Variants in PRKG1 observed in about 807,000 individuals in gnomAD.
The protein encoded by PRKG1 is protein kinase cGMP-dependent 1.
A neutral mutation model predicts 88.1 loss-of-function variants in PRKG1; 35 were observed. The observed-to-expected ratio is 0.40, with a 90% CI of 0.30 to 0.53. PRKG1 has a LOEUF of 0.53. PRKG1 is among the 20% of genes least tolerant of loss of function. The pLI, the probability that PRKG1 is intolerant of heterozygous loss-of-function variation, is 0.59. For synonymous variants in PRKG1, 303 were observed against 292.5 expected (o/e 1.04, Z -0.37); for missense variants, 540 against 839.8 (o/e 0.64, Z 4.41).
intron 7 of PRKG1, among the ~76,000 whole-genome samples, chr10:52,126,267 T>C (rs1847928792): frequency 6.6e-6 from 1 of 152,130 alleles, no homozygotes; most frequent in Admixed American, 6.6e-5. Flanking sequence ...ATACAAAATA[T>C]ATTAACCTTT....
chr10:51,559,410 T>C (rs1837400353), intron 3 of PRKG1, among the ~76,000 whole-genome samples: 1 of 152,206 alleles, frequency 6.6e-6, no homozygotes, highest in Admixed American at 6.6e-5. Context: ...TGTCTCCTTA[T>C]TCATGCATAA....
At chr10:51,653,839 A>T (rs1226884826) in intron 3 of PRKG1, among the ~76,000 whole-genome samples, 3 of 152,214 alleles carry the variant, frequency 2.0e-5, no homozygotes, top group African/African-American at 7.2e-5. Context: ...AAGTGCTAGG[A>T]TTACAGGCAT....
At chr10:51,873,855 C>T (rs1270040337) in intron 4 of PRKG1, among the ~76,000 whole-genome samples, 1 of 152,186 alleles carries the variant, frequency 6.6e-6, no homozygotes, top group Non-Finnish European at 1.5e-5. Context: ...ATAGCCAAAA[C>T]ATTAGAAATG....
At chr10:51,191,726 G>C (rs959347393) in intron 2 of PRKG1, among the ~76,000 whole-genome samples, 1 of 151,652 alleles carries the variant, frequency 6.6e-6, no homozygotes, top group African/African-American at 2.4e-5. Context: ...TCAGCAACTT[G>C]ACCAATCTAC....
At chr10:51,132,395 A>G (rs1398203348) in intron 1 of PRKG1, among the ~76,000 whole-genome samples, 2 of 152,180 alleles carry the variant, frequency 1.3e-5, no homozygotes, top group African/African-American at 2.4e-5. Flanking sequence ...TTATAATAAG[A>G]TATGTCTATT....
intron 5 of PRKG1, among the ~76,000 whole-genome samples, chr10:52,024,527 T>C (rs1207075204): frequency 6.6e-6 from 1 of 152,056 alleles, no homozygotes; most frequent in Admixed American, 6.6e-5. Flanking sequence ...CCCTGCCCTG[T>C]GTCCAAGTGT....
chr10:51,654,679 T>C (rs994469202), intron 3 of PRKG1, among the ~76,000 whole-genome samples: 28 of 152,200 alleles, frequency 1.8e-4, no homozygotes, highest in African/African-American at 6.8e-4. Context: ...TAGCTAAAAA[T>C]GGACAGTTGG....
intron 1 of PRKG1, among the ~76,000 whole-genome samples, chr10:51,077,555 G>C (rs932570304): frequency 6.6e-6 from 1 of 151,846 alleles, no homozygotes; most frequent in African/African-American, 2.4e-5. Flanking sequence ...TGGTAAATTT[G>C]GTCATTTAAA....
intron 5 of PRKG1, among the ~76,000 whole-genome samples, chr10:51,998,353 ATGGAAG>A (rs1394896463): frequency 3.3e-5 from 5 of 152,080 alleles, no homozygotes; most frequent in Non-Finnish European, 7.4e-5. Flanking sequence ...ACCCATCCAA[ATGGAAG>A]TTTATGGATA....
intron 4 of PRKG1, among the ~76,000 whole-genome samples, chr10:51,864,244 G>T (rs1416825082): frequency 6.6e-6 from 1 of 152,322 alleles, no homozygotes; most frequent in African/African-American, 2.4e-5. Context: ...TTCCCATAGA[G>T]TGTGCTATAA....
intron 1 of PRKG1, among the ~76,000 whole-genome samples, chr10:51,045,424 C>A (rs1215166793): frequency 1.3e-5 from 2 of 152,026 alleles, no homozygotes; most frequent in African/African-American, 4.8e-5. Context: ...TGGCTTCAAG[C>A]GATTCTCCTG....
At chr10:52,150,619 T>A (rs1837886776) in intron 8 of PRKG1, among the ~76,000 whole-genome samples, 2 of 152,186 alleles carry the variant, frequency 1.3e-5, no homozygotes, top group South Asian at 4.1e-4. Flanking sequence ...CCCTTTCTAA[T>A]CATGTAATGA....
intron 9 of PRKG1, chr10:52,184,903 C>T (rs947472422): frequency 6.6e-6 from 1 of 152,186 alleles, no homozygotes; most frequent in Admixed American, 6.5e-5. Context: ...CTCAACCATT[C>T]ATGAGGGATC....
At chr10:51,075,540 T>G (rs1843927194) in intron 1 of PRKG1, among the ~76,000 whole-genome samples, 1 of 152,244 alleles carries the variant, frequency 6.6e-6, no homozygotes, top group Non-Finnish European at 1.5e-5. Flanking sequence ...AAGAAATATT[T>G]TTTCATAACA....
At chr10:51,834,727 GAGAAA>G (rs965930722) in intron 4 of PRKG1, among the ~76,000 whole-genome samples, 1 of 148,242 alleles carries the variant, frequency 6.7e-6, no homozygotes, top group Non-Finnish European at 1.5e-5. Context: ...AGAAAGAAAA[GAGAAA>G]AGAAAAGAAA....
chr10:52,142,340 A>G (rs1034342495), intron 8 of PRKG1, among the ~76,000 whole-genome samples: 17 of 152,302 alleles, frequency 1.1e-4, no homozygotes, highest in Admixed American at 9.8e-4. Flanking sequence ...GAGAGTATCA[A>G]GTGGGTTTTA....
At chr10:51,188,576 G>C (rs574230294) in intron 2 of PRKG1, among the ~76,000 whole-genome samples, 1 of 151,864 alleles carries the variant, frequency 6.6e-6, no homozygotes, top group African/African-American at 2.4e-5. Context: ...ATAAAACCAC[G>C]ACAAGAAGAT....
intron 1 of PRKG1, among the ~76,000 whole-genome samples, chr10:51,045,882 C>A (rs184587789): frequency 6.6e-6 from 1 of 152,230 alleles, no homozygotes; most frequent in Non-Finnish European, 1.5e-5. Flanking sequence ...AATTTTAAAT[C>A]ATCAAAAAAT....
At chr10:51,854,258 T>C (rs1488151029) in intron 4 of PRKG1, among the ~76,000 whole-genome samples, 1 of 152,070 alleles carries the variant, frequency 6.6e-6, no homozygotes, top group Non-Finnish European at 1.5e-5. Flanking sequence ...CCTACTGGGA[T>C]TTTCTAAAAT....
Sources: allele counts gnomAD v4.1 joint callset (sites outside exome capture counted in the v4.1 genomes callset), GRCh38; gene constraint gnomAD v4.1.1; transcripts MANE v1.5; gene names NCBI Gene and HGNC (gene_info 2026-07-23, HGNC 2026-07-21).